The following CHLSN variants were observed in gnomAD, a reference collection of about 807,000 sequenced individuals.
CHLSN encodes the protein cholesin, also known as protein cholesin.
the CHLSN span, among the ~76,000 whole-genome samples, chr7:1,133,315 A>G: frequency 6.7e-6 from 1 of 149,340 alleles, no homozygotes. Context: ...ACTAAGGGGC[A>G]CAGGGTTTCT....
At chr7:1,057,387 G>C in the CHLSN span, 80,231 of 603,806 alleles carry the variant, frequency 0.13, 6,249 homozygotes, top group Middle Eastern at 0.23. Flanking sequence ...TCTGTGGTCT[G>C]CAGCGATTAC....
chr7:1,008,856 C>CACGTAA, the CHLSN span, among the ~76,000 whole-genome samples: 10 of 128,646 alleles, frequency 7.8e-5, no homozygotes, highest in Non-Finnish European at 1.5e-4. Flanking sequence ...CACACGTAAA[C>CACGTAA]ACACGCACAC....
the CHLSN span, among the ~76,000 whole-genome samples, chr7:1,049,314 T>A: frequency 1.3e-5 from 2 of 152,346 alleles, no homozygotes; most frequent in East Asian, 3.9e-4. Flanking sequence ...GCGTCATCAT[T>A]CCAGGCCAGG....
the CHLSN span, among the ~76,000 whole-genome samples, chr7:991,867 G>A: frequency 1.3e-5 from 2 of 152,180 alleles, no homozygotes; most frequent in Non-Finnish European, 2.9e-5. Context: ...TCCCTCCCCA[G>A]TCCTTCTCCT....
chr7:985,924 G>A, the CHLSN span, among the ~76,000 whole-genome samples: 2 of 152,082 alleles, frequency 1.3e-5, no homozygotes, highest in Non-Finnish European at 2.9e-5. Flanking sequence ...AGCAGCGGTG[G>A]GTTCACAAGC....
chr7:1,124,464 C>A, the CHLSN span, among the ~76,000 whole-genome samples: 1 of 150,704 alleles, frequency 6.6e-6, no homozygotes, highest in Non-Finnish European at 1.5e-5. Flanking sequence ...AACAAGAGCT[C>A]CAGCAGCTCT....
At chr7:1,076,772 C>T in the CHLSN span, among the ~76,000 whole-genome samples, 1 of 152,256 alleles carries the variant, frequency 6.6e-6, no homozygotes, top group Admixed American at 6.5e-5. Context: ...ACAGCCTTCT[C>T]GGGAAAGCCG....
chr7:1,012,158 G>A, the CHLSN span, among the ~76,000 whole-genome samples: 2 of 152,250 alleles, frequency 1.3e-5, no homozygotes, highest in African/African-American at 2.4e-5. Flanking sequence ...CGCAGTCCAC[G>A]GCTGATCACA....
the CHLSN span, chr7:1,058,989 C>T: frequency 7.6e-5 from 14 of 185,378 alleles, no homozygotes; most frequent in Admixed American, 2.2e-4. Context: ...CAGTGGGCGG[C>T]GTGTGCTAGC....
At chr7:1,058,455 C>T in the CHLSN span, 4 of 780,558 alleles carry the variant, frequency 5.1e-6, no homozygotes. Context: ...GATGAAAAAG[C>T]TGCCCTGCGG....
chr7:1,064,110 G>T, the CHLSN span, among the ~76,000 whole-genome samples: 1 of 151,888 alleles, frequency 6.6e-6, no homozygotes, highest in Non-Finnish European at 1.5e-5. Flanking sequence ...ACATACATGC[G>T]TGCAAGCATG....
the CHLSN span, among the ~76,000 whole-genome samples, chr7:978,551 G>A: frequency 1.3e-5 from 2 of 152,128 alleles, no homozygotes; most frequent in Admixed American, 6.6e-5. Context: ...AGGAGGGAAC[G>A]AACCTTGTTT....
the CHLSN span, among the ~76,000 whole-genome samples, chr7:1,123,560 C>CT: frequency 1.2e-4 from 19 of 152,276 alleles, no homozygotes; most frequent in African/African-American, 4.6e-4. This position sits in a 1 kb window ranked among gnomAD's most constrained non-coding sequence, Gnocchi z 4.4. Context: ...GCCCACCCTC[C>CT]TAAGCACTTG....
the CHLSN span, among the ~76,000 whole-genome samples, chr7:1,034,514 G>C: frequency 1.3e-5 from 2 of 152,182 alleles, no homozygotes; most frequent in African/African-American, 4.8e-5. Context: ...CCTGATTTCG[G>C]GACATCGGAC....
At chr7:989,016 C>A in the CHLSN span, 1 of 546,886 alleles carries the variant, frequency 1.8e-6, no homozygotes, top group African/African-American at 1.9e-5. Context: ...CCCTGTGGGA[C>A]CCCCACCCCT....
At chr7:1,016,884 A>G in the CHLSN span, among the ~76,000 whole-genome samples, 102 of 119,560 alleles carry the variant, frequency 8.5e-4, 14 homozygotes, top group South Asian at 3.2e-3. Flanking sequence ...GCACAGCAGC[A>G]CACACCAGCG....
At chr7:1,057,819 C>G in the CHLSN span, 1 of 777,388 alleles carries the variant, frequency 1.3e-6, no homozygotes, top group Non-Finnish European at 2.4e-6. Context: ...CGGCGAAGTC[C>G]ACGTGGCACT....
the CHLSN span, among the ~76,000 whole-genome samples, chr7:1,069,219 T>A: frequency 2.0e-5 from 3 of 152,122 alleles, no homozygotes; most frequent in Non-Finnish European, 4.4e-5. Flanking sequence ...TAATCCCAGC[T>A]ACGAAGAAGG....
the CHLSN span, among the ~76,000 whole-genome samples, chr7:1,080,000 C>G: frequency 6.6e-6 from 1 of 152,252 alleles, no homozygotes. Context: ...AAGCCCCTGG[C>G]TCTTGGCCGG....
Sources: allele counts gnomAD v4.1 joint callset (sites outside exome capture counted in the v4.1 genomes callset), GRCh38; gene constraint gnomAD v4.1.1; non-coding constraint Gnocchi (gnomAD v3.1); transcripts MANE v1.5; gene names NCBI Gene and HGNC (gene_info 2026-07-23, HGNC 2026-07-21).